CADPS: variants seen among roughly 807,000 people sequenced by gnomAD.
The protein encoded by CADPS is calcium dependent secretion activator, also known as calcium-dependent secretion activator 1.
CADPS carries 57 observed loss-of-function variants against 167.3 expected under a neutral mutation model. That is an observed-to-expected ratio of 0.34 (90% CI 0.28 to 0.42). The LOEUF (loss-of-function observed/expected upper bound fraction) is 0.42. CADPS is among the 20% of genes least tolerant of loss of function. The probability of loss-of-function intolerance (pLI) is 1.00; values close to 1 mark genes in which losing one functional copy is unlikely to be tolerated. For missense variants in CADPS, 1,414 were observed against 1,738.1 expected (o/e 0.81, Z 3.32); for synonymous variants, 676 against 635.3 (o/e 1.06, Z -0.96).
At position 62,601,810 on chromosome 3, in the gene CADPS, T is replaced by C. The variant is rs2060013875; in HGVS notation, c.1326-9062A>G. The stretch of plus-strand genomic sequence containing the variant: ...TCACAGCACATTATTTCTCCAAACC[T>C]GTTCCACAGTACCACCACTTTGAAA... On this transcript the variant is annotated intron_variant, in intron 6 of 29. Coordinates refer to ENST00000383710, the MANE Select transcript of CADPS (RefSeq NM_003716.4). The surrounding 1 kb of genome is among the most constrained non-coding windows in gnomAD (Gnocchi z 4.3). Among the ~76,000 whole-genome samples, 1 of 152,152 alleles carries C rather than the reference T, an allele frequency of 6.6e-6. No homozygotes were observed. The highest frequency in any genetic ancestry group is 1.5e-5 in the Non-Finnish European group (1 of 68,032).
At chr3:62,726,456 C>T (rs1449561964) in intron 3 of CADPS, among the ~76,000 whole-genome samples, 2 of 151,860 alleles carry the variant, frequency 1.3e-5, no homozygotes, top group Non-Finnish European at 2.9e-5. Context: ...ACCCTGAGTT[C>T]CTCAGTAGAT....
intron 1 of CADPS, among the ~76,000 whole-genome samples, chr3:62,851,106 T>C (rs1249423528): frequency 1.6e-5 from 2 of 122,588 alleles, no homozygotes; most frequent in African/African-American, 6.0e-5. Context: ...CCCCTGCCTT[T>C]TTTTGTTTTC....
chr3:62,761,930 G>A (rs1355557398), intron 2 of CADPS, among the ~76,000 whole-genome samples: 8 of 152,084 alleles, frequency 5.3e-5, no homozygotes, highest in South Asian at 4.1e-4. Context: ...TGCTTGATCC[G>A]CTCTGACAAT....
chr3:62,467,238 T>C, intron 24 of CADPS: 2 of 879,016 alleles, frequency 2.3e-6, no homozygotes, highest in South Asian at 3.4e-5. Context: ...TTATCCCATA[T>C]TTCCCTAACA....
intron 7 of CADPS, among the ~76,000 whole-genome samples, chr3:62,585,598 A>G (rs1282813486): frequency 2.6e-5 from 4 of 152,224 alleles, no homozygotes; most frequent in African/African-American, 9.6e-5. Context: ...ACAAACCCAG[A>G]ATGGAGAATA....
At chr3:62,770,706 G>A (rs768600994) in intron 1 of CADPS, among the ~76,000 whole-genome samples, 45 of 152,172 alleles carry the variant, frequency 3.0e-4, no homozygotes, top group Admixed American at 3.9e-4. Context: ...GATTATAAGC[G>A]TGAGCCGTCA....
intron 26 of CADPS, among the ~76,000 whole-genome samples, chr3:62,450,865 A>C (rs1353440733): frequency 6.6e-6 from 1 of 152,134 alleles, no homozygotes; most frequent in African/African-American, 2.4e-5. Flanking sequence ...TTCCCATTTT[A>C]CAGTTGAAGA....
At chr3:62,641,038 G>A (rs2067305288) in intron 6 of CADPS, among the ~76,000 whole-genome samples, 2 of 151,666 alleles carry the variant, frequency 1.3e-5, no homozygotes, top group Admixed American at 1.3e-4. Flanking sequence ...TTGTATCCAG[G>A]TACCACCTGT....
At chr3:62,483,770 C>T (rs1408621690) in intron 21 of CADPS, among the ~76,000 whole-genome samples, 1 of 152,072 alleles carries the variant, frequency 6.6e-6, no homozygotes, top group Non-Finnish European at 1.5e-5. Context: ...GGCTCTTAGT[C>T]TTAAACACTG....
In CADPS at chr3:62,855,873, T is replaced by C. The variant is rs558645906; in HGVS notation, c.441+18716A>G. 1.6e-3 allele frequency among the ~76,000 whole-genome samples: 250 copies of C among 152,322 alleles called. 3 individuals carry two copies. The highest frequency in any genetic ancestry group is 5.9e-3 in the African/African-American group (245 of 41,590). ...GGGGCAATATGATAAAAAACTCCTT[T>C]AGATTTTTATACTTTTTCCCTAAAA... On this transcript the variant is annotated intron_variant, in intron 1 of 29. Transcript: ENST00000383710.
chr3:62,631,946 G>A (rs1407284785), intron 6 of CADPS, among the ~76,000 whole-genome samples: 2 of 152,186 alleles, frequency 1.3e-5, no homozygotes, highest in African/African-American at 4.8e-5. Flanking sequence ...CAGATGTGAT[G>A]TATTCACTAA....
chr3:62,467,014 A>C (rs1048476664), intron 24 of CADPS, among the ~76,000 whole-genome samples: 1 of 152,108 alleles, frequency 6.6e-6, no homozygotes, highest in Non-Finnish European at 1.5e-5. Flanking sequence ...GGATAAACAG[A>C]CCCAGTATGA....
intron 1 of CADPS, among the ~76,000 whole-genome samples, chr3:62,825,936 A>C (rs1457561592): frequency 2.6e-5 from 4 of 152,094 alleles, no homozygotes; most frequent in African/African-American, 9.7e-5. Flanking sequence ...ATCAGGGGAG[A>C]AGCGAGGGTG....
At chr3:62,653,502 A>G (rs569723736) in intron 4 of CADPS, among the ~76,000 whole-genome samples, 217 of 152,302 alleles carry the variant, frequency 1.4e-3, no homozygotes, top group African/African-American at 4.6e-3. Flanking sequence ...TGAATAGACT[A>G]AGACACTTGT....
At chr3:62,535,821 T>C (rs1235815001) in intron 12 of CADPS, among the ~76,000 whole-genome samples, 2 of 152,078 alleles carry the variant, frequency 1.3e-5, no homozygotes, top group South Asian at 2.1e-4. Flanking sequence ...AATCTAGCTT[T>C]AAAATAGGAT....
intron 3 of CADPS, among the ~76,000 whole-genome samples, chr3:62,676,884 G>A (rs910199249): frequency 3.3e-5 from 5 of 152,218 alleles, no homozygotes; most frequent in South Asian, 4.2e-4. Context: ...ACAAGATAGC[G>A]CCCTGGGTGA....
chr3:62,843,910 A>T (rs935041978), intron 1 of CADPS, among the ~76,000 whole-genome samples: 1 of 152,212 alleles, frequency 6.6e-6, no homozygotes, highest in African/African-American at 2.4e-5. Flanking sequence ...ACCAGGGCTT[A>T]AAAATGTAAA....
At position 62,399,149 on chromosome 3, in the gene CADPS, T is replaced by C. The variant is rs1027825816; in HGVS notation, c.*257A>G. The C allele has an allele frequency of 1.2e-5, 5 of 403,750 alleles. No individual in the cohort carries two copies. Among genetic ancestry groups the C allele is most frequent in the Non-Finnish European group, 2.3e-5 (5 of 219,414 alleles). 25.0% of individuals were successfully genotyped at this position (403,750 alleles called of 1,614,324 possible). ...ACAGGGACACGCCTAGTGGTTAGAC[T>C]ATGTATTCTCCATGAACAGTATTTA... On this transcript the variant is annotated 3_prime_UTR_variant, in exon 30 of 30. Transcript: ENST00000383710. This position sits in a 1 kb window ranked among gnomAD's most constrained non-coding sequence, Gnocchi z 5.6.
Position 62,645,714 on chromosome 3 carries a change from TA to T in CADPS, c.1325+7del. The T allele has an allele frequency of 6.2e-7, 1 of 1,613,652 alleles. No homozygotes were observed. Among genetic ancestry groups the T allele is most frequent in the East Asian group, 2.2e-5 (1 of 44,864 alleles). On this transcript the variant is annotated splice_region_variant and intron_variant, in intron 6 of 29. Transcript: ENST00000383710. Reference sequence around the variant, plus strand: ...CTATAAGATGGACCCTGGAGAAACATAACTTACGTTGGTTTAGAAGCCTCGG... The same window carrying T: ...CTATAAGATGGACCCTGGAGAAACATACTTACGTTGGTTTAGAAGCCTCGG...
Sources: gnomAD v4.1 joint callset for allele counts (sites outside exome capture counted in the v4.1 genomes callset) on GRCh38, gnomAD v4.1.1 for gene constraint, Gnocchi (gnomAD v3.1) non-coding constraint, MANE v1.5 for transcripts, NCBI Gene and HGNC (gene_info 2026-07-23, HGNC 2026-07-21) for gene names.